Variants in SEC24B observed in about 807,000 individuals in gnomAD.
SEC24B encodes SEC24 homolog B, COPII component, also known as protein transport protein Sec24B.
In SEC24B, 45 loss-of-function variants were observed where a neutral mutation model predicts 142.8. That is an observed-to-expected ratio of 0.32 (90% confidence interval 0.25 to 0.40). SEC24B has a LOEUF of 0.40. Ranked by LOEUF, SEC24B falls within the 10% of genes least tolerant of loss-of-function variation. The pLI is 1.00. For synonymous variants in SEC24B, 574 were observed against 568.2 expected (o/e 1.01, Z -0.15); for missense variants, 1,409 against 1,526.8 (o/e 0.92, Z 1.29).
intron 1 of SEC24B, among the ~76,000 whole-genome samples, chr4:109,440,811 G>A (rs371240653): frequency 9.9e-5 from 15 of 152,162 alleles, no homozygotes; most frequent in African/African-American, 3.6e-4. Context: ...ACTCAGTTAA[G>A]TGAACTTGGT....
intron 15 of SEC24B, 53 bp downstream of exon 15, chr4:109,524,994 A>G (rs1234971824): frequency 2.0e-6 from 3 of 1,482,556 alleles, no homozygotes. Context: ...TTTAATGCAT[A>G]ATTAAATCTA....
intron 6 of SEC24B, among the ~76,000 whole-genome samples, chr4:109,498,259 T>G (rs1735730626): frequency 1.3e-5 from 2 of 152,234 alleles, no homozygotes; most frequent in Admixed American, 6.5e-5. Context: ...AGTAATGATT[T>G]AGGTATACAG....
chr4:109,439,891 C>T (rs1342299675), intron 1 of SEC24B, among the ~76,000 whole-genome samples: 1 of 151,004 alleles, frequency 6.6e-6, no homozygotes, highest in Non-Finnish European at 1.5e-5. Context: ...GAGGCTGAGG[C>T]GGGCGGATCA....
chr4:109,508,802 G>A (rs1736998884), intron 7 of SEC24B, among the ~76,000 whole-genome samples: 1 of 152,112 alleles, frequency 6.6e-6, no homozygotes, highest in South Asian at 2.1e-4. Flanking sequence ...CTGTAAAACA[G>A]GAATAATAAT....
chr4:109,435,140 T>TCTAA (rs1167531382), intron 1 of SEC24B, among the ~76,000 whole-genome samples: 3 of 152,264 alleles, frequency 2.0e-5, no homozygotes, highest in Non-Finnish European at 4.4e-5. Context: ...TTAATCAACA[T>TCTAA]CTAAGTTTTA....
chr4:109,520,337 G>A, intron 11 of SEC24B, 29 bp from the exon 12 acceptor site: 1 of 1,322,608 alleles, frequency 7.6e-7, no homozygotes. Flanking sequence ...TGAGCACTCT[G>A]AATTTAAAAT....
intron 3 of SEC24B, among the ~76,000 whole-genome samples, chr4:109,474,520 G>T (rs1416367784): frequency 6.6e-6 from 1 of 151,762 alleles, no homozygotes; most frequent in Non-Finnish European, 1.5e-5. Context: ...TGCCTCCTGG[G>T]TTCCAGCGAT....
chr4:109,522,331 G>A (rs1308887766), intron 14 of SEC24B, among the ~76,000 whole-genome samples: 6 of 152,188 alleles, frequency 3.9e-5, no homozygotes, highest in Non-Finnish European at 1.5e-5. Context: ...GATTACAGGC[G>A]TGAGCCACCG....
intron 3 of SEC24B, among the ~76,000 whole-genome samples, chr4:109,479,004 G>A (rs1386890596): frequency 2.0e-5 from 3 of 152,156 alleles, no homozygotes; most frequent in Non-Finnish European, 4.4e-5. Context: ...ATCTCCACAA[G>A]AGATTTGTTC....
chr4:109,485,478 A>G (rs1423047974), intron 4 of SEC24B, among the ~76,000 whole-genome samples: 1 of 152,226 alleles, frequency 6.6e-6, no homozygotes, highest in African/African-American at 2.4e-5. Flanking sequence ...GACGGTAGTC[A>G]CTACAGTGTT....
At chr4:109,527,529 T>C (rs1724381232) in intron 18 of SEC24B, 97 bp downstream of exon 18, 2 of 892,548 alleles carry the variant, frequency 2.2e-6, no homozygotes, top group African/African-American at 1.7e-5. Context: ...TCCCAGCATT[T>C]TGGGAGGCTG....
intron 1 of SEC24B, among the ~76,000 whole-genome samples, chr4:109,458,082 A>G (rs1434248350): frequency 6.7e-6 from 1 of 148,844 alleles, no homozygotes; most frequent in African/African-American, 2.5e-5. Flanking sequence ...AATTTTGTTC[A>G]TTTTTCTTCA....
At position 109,526,577 on chromosome 4, in the gene SEC24B, TTAAA is replaced by T. The variant is rs1000992279; in HGVS notation, c.2965+181_2965+184del. On this transcript the variant is annotated intron_variant, in intron 17 of 23. Coordinates refer to ENST00000265175, the MANE Select transcript of SEC24B (RefSeq NM_006323.5). ...TTTTTTAACTCTCACTTTTGCATCT[TTAAA>T]TAGCACACTTTTTTAATTTATGGAA... Among the ~76,000 whole-genome samples the T allele has an allele frequency of 5.3e-5, 8 of 152,220 alleles. No homozygotes were observed. The East Asian group carries it at 5.8e-4, about 11-fold the overall frequency.
At chr4:109,517,730 C>T (rs1357170715) in intron 11 of SEC24B, among the ~76,000 whole-genome samples, 1 of 152,012 alleles carries the variant, frequency 6.6e-6, no homozygotes, top group East Asian at 1.9e-4. Context: ...TCTTATCTGT[C>T]AGTTTAAATA....
At chr4:109,496,036 T>C in intron 6 of SEC24B, among the ~76,000 whole-genome samples, 1 of 152,164 alleles carries the variant, frequency 6.6e-6, no homozygotes, top group East Asian at 1.9e-4. Flanking sequence ...TGATATGATA[T>C]TTATACAGTT....
intron 20 of SEC24B, among the ~76,000 whole-genome samples, chr4:109,531,837 G>C (rs1724961652): frequency 6.6e-6 from 1 of 151,988 alleles, no homozygotes; most frequent in African/African-American, 2.4e-5. Context: ...TGTAGATATT[G>C]ACTGCTTCTC....
chr4:109,490,227 T>G (rs1327365046), intron 4 of SEC24B, among the ~76,000 whole-genome samples: 1 of 152,080 alleles, frequency 6.6e-6, no homozygotes, highest in Non-Finnish European at 1.5e-5. Flanking sequence ...GTAACTGCAG[T>G]CTTTGCCTCC....
At chr4:109,504,126 A>G (rs1255023040) in intron 6 of SEC24B, among the ~76,000 whole-genome samples, 2 of 152,112 alleles carry the variant, frequency 1.3e-5, no homozygotes, top group African/African-American at 2.4e-5. Context: ...TATTTGTTTC[A>G]TATGGGTCCA....
intron 14 of SEC24B, among the ~76,000 whole-genome samples, chr4:109,523,394 A>G (rs1561175491): frequency 6.6e-6 from 1 of 151,984 alleles, no homozygotes; most frequent in Non-Finnish European, 1.5e-5. Flanking sequence ...CACTTGAACC[A>G]GGGAGGCAGA....
Sources: allele counts gnomAD v4.1 joint callset (sites outside exome capture counted in the v4.1 genomes callset), GRCh38; gene constraint gnomAD v4.1.1; transcripts MANE v1.5; gene names NCBI Gene and HGNC (gene_info 2026-07-23, HGNC 2026-07-21).